The following KPNA1 variants were observed in gnomAD, a reference collection of about 807,000 sequenced individuals.
The protein encoded by KPNA1 is importin subunit alpha-5.
KPNA1 carries 10 observed loss-of-function variants against 70.5 expected under a neutral mutation model. That is an observed-to-expected ratio of 0.14 (90% confidence interval 0.09 to 0.24). KPNA1 has a LOEUF of 0.24. Among genes scored for constraint, KPNA1 ranks in the 10% least tolerant of loss-of-function variants. The pLI, the probability that KPNA1 is intolerant of heterozygous loss-of-function variation, is 1.00. For missense variants in KPNA1, 397 were observed against 637.9 expected (o/e 0.62, Z 4.07); for synonymous variants, 192 against 221.9 (o/e 0.87, Z 1.20).
chr3:122,492,237 C>T (rs2076709004), intron 2 of KPNA1, among the ~76,000 whole-genome samples: 1 of 152,182 alleles, frequency 6.6e-6, no homozygotes, highest in Non-Finnish European at 1.5e-5. Flanking sequence ...CACAGCGTGC[C>T]AGTACAACTT....
At chr3:122,474,253 T>A (rs906887687) in intron 2 of KPNA1, among the ~76,000 whole-genome samples, 1 of 152,160 alleles carries the variant, frequency 6.6e-6, no homozygotes, top group Non-Finnish European at 1.5e-5. Flanking sequence ...AGACTCAACA[T>A]TGGCAAGATG....
intron 2 of KPNA1, among the ~76,000 whole-genome samples, chr3:122,476,920 A>C (rs1221010882): frequency 6.7e-6 from 1 of 150,118 alleles, no homozygotes; most frequent in African/African-American, 2.4e-5. Context: ...CAGCAATCCC[A>C]CTACTGGGCA....
chr3:122,490,286 C>T (rs111275007), intron 2 of KPNA1, among the ~76,000 whole-genome samples: 1 of 152,246 alleles, frequency 6.6e-6, no homozygotes, highest in East Asian at 1.9e-4. Flanking sequence ...TCTGCCTTAG[C>T]GCCTCTTTCT....
intron 4 of KPNA1, among the ~76,000 whole-genome samples, chr3:122,463,141 G>A (rs1015190333): frequency 6.6e-6 from 1 of 152,072 alleles, no homozygotes; most frequent in African/African-American, 2.4e-5. Context: ...CACAAGGTCA[G>A]GAGATCGAGA....
At chr3:122,499,441 ATT>A (rs56118558) in intron 1 of KPNA1, among the ~76,000 whole-genome samples, 3 of 150,068 alleles carry the variant, frequency 2.0e-5, no homozygotes, top group Admixed American at 1.3e-4. Context: ...TCACAATGTG[ATT>A]TTTTTTTCTT....
intron 1 of KPNA1, among the ~76,000 whole-genome samples, chr3:122,500,800 AGGAAATCTGAAAAAT>A (rs2076820110): frequency 6.6e-6 from 1 of 152,054 alleles, no homozygotes; most frequent in African/African-American, 2.4e-5. Flanking sequence ...CACTGTGCCC[AGGAAATCTGAAAAAT>A]GTTGAGTTTT....
intron 11 of KPNA1, among the ~76,000 whole-genome samples, chr3:122,435,959 G>T (rs1234709612): frequency 2.6e-5 from 4 of 152,202 alleles, no homozygotes; most frequent in Non-Finnish European, 5.9e-5. Flanking sequence ...TAACCATCAG[G>T]TCTGACTGCC....
intron 2 of KPNA1, among the ~76,000 whole-genome samples, chr3:122,489,865 C>A (rs888826398): frequency 1.3e-5 from 2 of 152,106 alleles, no homozygotes; most frequent in Non-Finnish European, 2.9e-5. Flanking sequence ...ACTGTTTGAT[C>A]CTTTTGGACC....
chr3:122,463,683 G>A lies in KPNA1; in HGVS notation c.337+259C>T, dbSNP rs1252039771. On this transcript the variant is annotated intron_variant, in intron 4 of 13. Transcript: ENST00000344337. ...TCTCAATTTGAATTAACATGATACT[G>A]ACTACTATTCACTATAAAGTCTTTT... is the stretch of plus-strand genomic sequence containing the variant. Among the ~76,000 whole-genome samples the A allele has an allele frequency of 2.0e-5, 3 of 151,978 alleles. No homozygotes were observed. The East Asian group carries it at 5.8e-4, about 29-fold the overall frequency.
Position 122,461,210 on chromosome 3 carries a change from A to G in KPNA1, c.432+14T>C. 1 of 1,533,458 alleles carries G rather than the reference A, an allele frequency of 6.5e-7. No individual in the cohort carries two copies. The highest frequency in any genetic ancestry group is 8.9e-7 in the Non-Finnish European group (1 of 1,125,514). The allele number at this position is 1,533,458 out of a possible 1,614,324, so 95.0% of individuals were successfully genotyped here. ...GAATTAAGTTATGAGGCAATAAATA[A>G]AAATTATTCGCACCTGCAGTGTACA... On this transcript the variant is annotated intron_variant, in intron 5 of 13. Transcript: ENST00000344337.
chr3:122,434,324 C>T (rs537200446), intron 11 of KPNA1, among the ~76,000 whole-genome samples: 1 of 152,286 alleles, frequency 6.6e-6, no homozygotes, highest in East Asian at 1.9e-4. Context: ...TCTCTGAGTT[C>T]TTTTCTCTTT....
chr3:122,462,736 T>C (rs1002819540), intron 4 of KPNA1, among the ~76,000 whole-genome samples: 2 of 152,184 alleles, frequency 1.3e-5, no homozygotes, highest in Non-Finnish European at 2.9e-5. Context: ...GTCATAGTAG[T>C]AGTTTTTTAT....
At chr3:122,461,355 T>C in intron 4 of KPNA1, 37 bp from the exon 5 acceptor site, 1 of 1,397,924 alleles carries the variant, frequency 7.2e-7, no homozygotes, top group Non-Finnish European at 1.0e-6. Context: ...AAAAAATCCT[T>C]TGATTTCAAT....
At chr3:122,431,164 CTTTTT>C (rs1319586413) in intron 12 of KPNA1, among the ~76,000 whole-genome samples, 1 of 152,206 alleles carries the variant, frequency 6.6e-6, no homozygotes, top group Middle Eastern at 3.4e-3. Context: ...CTAAAACATT[CTTTTT>C]TATCTTTTGA....
intron 9 of KPNA1, among the ~76,000 whole-genome samples, chr3:122,443,766 A>C (rs1400799720): frequency 6.6e-6 from 1 of 152,190 alleles, no homozygotes; most frequent in Non-Finnish European, 1.5e-5. Flanking sequence ...TGTGGGTCAC[A>C]GAGATCACAT....
intron 7 of KPNA1, 43 bp from the exon 8 acceptor site, chr3:122,451,676 T>G (rs2076204334): frequency 8.2e-7 from 1 of 1,219,160 alleles, no homozygotes; most frequent in Non-Finnish European, 1.2e-6. Context: ...TAACAGACAG[T>G]GATTATCTGA....
At chr3:122,436,296 A>G (rs1329486101) in intron 11 of KPNA1, among the ~76,000 whole-genome samples, 1 of 152,184 alleles carries the variant, frequency 6.6e-6, no homozygotes, top group Non-Finnish European at 1.5e-5. Flanking sequence ...CTGAAACCTC[A>G]TTAGCAATTT....
In KPNA1 at chr3:122,422,364, AAC is replaced by A. The variant is rs2075773543; in HGVS notation, c.*4619_*4620del. The A allele has an allele frequency of 6.7e-6, 1 of 149,894 alleles. No individual in the cohort carries two copies. The highest frequency in any genetic ancestry group is 2.0e-4 in the East Asian group (1 of 5,030). 9.3% of individuals were successfully genotyped at this position (149,894 alleles called of 1,614,324 possible). Reference sequence around the variant, plus strand: ...TTTGCACAAAAAAAAAAAAAAAAAAAACCTATTACCATACTTGTCTGGTCATA... The same window carrying A: ...TTTGCACAAAAAAAAAAAAAAAAAAACTATTACCATACTTGTCTGGTCATA... On this transcript the variant is annotated 3_prime_UTR_variant, in exon 14 of 14. Coordinates refer to ENST00000344337, the MANE Select transcript of KPNA1 (RefSeq NM_002264.4).
chr3:122,438,690 A>G (rs1021851534), intron 10 of KPNA1, among the ~76,000 whole-genome samples: 1 of 152,158 alleles, frequency 6.6e-6, no homozygotes, highest in Non-Finnish European at 1.5e-5. Flanking sequence ...TCGGCCAGGT[A>G]TTTCTTTATA....
Sources: allele counts gnomAD v4.1 joint callset (sites outside exome capture counted in the v4.1 genomes callset), GRCh38; gene constraint gnomAD v4.1.1; transcripts MANE v1.5; gene names NCBI Gene and HGNC (gene_info 2026-07-23, HGNC 2026-07-21).